Variants in FOXP2 observed in about 807,000 individuals in gnomAD.
FOXP2 encodes forkhead box protein P2.
A neutral mutation model predicts 115.8 loss-of-function variants in FOXP2; 12 were observed. That is an observed-to-expected ratio of 0.10 (90% confidence interval 0.07 to 0.17). The LOEUF (loss-of-function observed/expected upper bound fraction) is 0.17, where lower values mean the gene tolerates loss of function less well. Among genes scored for constraint, FOXP2 ranks in the 10% least tolerant of loss-of-function variants. The pLI is 1.00. For synonymous variants in FOXP2, 328 were observed against 297.7 expected (o/e 1.10, Z -1.05); for missense variants, 629 against 843.5 (o/e 0.75, Z 3.15).
intron 3 of FOXP2, among the ~76,000 whole-genome samples, chr7:114,557,393 CT>C (rs1800516934): frequency 6.6e-6 from 1 of 152,070 alleles, no homozygotes; most frequent in Non-Finnish European, 1.5e-5. Flanking sequence ...TAGATGTAGT[CT>C]GAAAATCGCA....
chr7:114,441,110 T>A (rs777183828), intron 2 of FOXP2, among the ~76,000 whole-genome samples: 86 of 152,050 alleles, frequency 5.7e-4, no homozygotes, highest in Non-Finnish European at 1.0e-3. Context: ...ACATAAGTAA[T>A]AAAACTAGTC....
chr7:114,319,003 C>T (rs1400282867), intron 2 of FOXP2, among the ~76,000 whole-genome samples: 2 of 152,072 alleles, frequency 1.3e-5, no homozygotes, highest in Non-Finnish European at 2.9e-5. Flanking sequence ...ATTTTGGGAA[C>T]CCCCAGTTAA....
chr7:114,536,913 A>T (rs1040735894), intron 3 of FOXP2, among the ~76,000 whole-genome samples: 1 of 151,490 alleles, frequency 6.6e-6, no homozygotes, highest in Admixed American at 6.6e-5. Flanking sequence ...TTAGTATTTC[A>T]TAGGACTTGA....
At chr7:114,320,070 GGTGGGATCATTCCCA>G (rs1380421262) in intron 2 of FOXP2, among the ~76,000 whole-genome samples, 2 of 150,374 alleles carry the variant, frequency 1.3e-5, no homozygotes, top group East Asian at 2.0e-4. Context: ...AGAAGAATGA[GGTGGGATCATTCCCA>G]TATATACTCA....
intron 2 of FOXP2, among the ~76,000 whole-genome samples, chr7:114,319,170 C>T (rs559397511): frequency 5.2e-4 from 48 of 91,774 alleles, no homozygotes; most frequent in Non-Finnish European, 1.0e-3. Context: ...GTTGGGGGGG[C>T]GGGTCCCTCA....
intron 1 of FOXP2, among the ~76,000 whole-genome samples, chr7:114,236,136 T>C (rs1795002788): frequency 6.6e-6 from 1 of 152,182 alleles, no homozygotes; most frequent in Non-Finnish European, 1.5e-5. Context: ...ATTTAAAAAA[T>C]GCTAAATGCC....
intron 2 of FOXP2, among the ~76,000 whole-genome samples, chr7:114,295,152 C>G (rs1312961877): frequency 6.6e-6 from 1 of 152,108 alleles, no homozygotes; most frequent in Non-Finnish European, 1.5e-5. Context: ...TGGATTTTAA[C>G]TGGCCTGCTT....
chr7:114,619,838 C>T (rs1804149223), intron 3 of FOXP2, among the ~76,000 whole-genome samples: 2 of 151,998 alleles, frequency 1.3e-5, no homozygotes, highest in African/African-American at 4.8e-5. Context: ...AATAACTTAC[C>T]ATGGCTAGAA....
At chr7:114,655,976 A>G (rs1272554368) in intron 10 of FOXP2, among the ~76,000 whole-genome samples, 1 of 152,156 alleles carries the variant, frequency 6.6e-6, no homozygotes, top group African/African-American at 2.4e-5. Flanking sequence ...CGAGGTGGCT[A>G]AGTGCTCATC....
upstream of FOXP2, among the ~76,000 whole-genome samples, chr7:114,413,875 CTG>C (rs1414539983): frequency 6.6e-6 from 1 of 152,044 alleles, no homozygotes; most frequent in Non-Finnish European, 1.5e-5. Flanking sequence ...TGTTCAGTAA[CTG>C]TTGTTTTGTC....
chr7:114,132,912 G>A (rs554691363), intron 1 of FOXP2, among the ~76,000 whole-genome samples: 2 of 152,234 alleles, frequency 1.3e-5, no homozygotes, highest in East Asian at 3.9e-4. Flanking sequence ...TTGAGTAGAT[G>A]AGTATCACAT....
intron 1 of FOXP2, among the ~76,000 whole-genome samples, chr7:114,110,593 A>G (rs1791243454): frequency 6.6e-6 from 1 of 152,096 alleles, no homozygotes; most frequent in South Asian, 2.1e-4. Context: ...TCATTGGGGT[A>G]CTTGTGGTGT....
chr7:114,509,435 A>C (rs1223448080), intron 2 of FOXP2, among the ~76,000 whole-genome samples: 1 of 152,074 alleles, frequency 6.6e-6, no homozygotes, highest in African/African-American at 2.4e-5. Context: ...AGGTATTATG[A>C]AAGTCCAGAG....
chr7:114,136,574 G>A lies in FOXP2; in HGVS notation c.-246-26370G>A, dbSNP rs114411145. 2.7e-3 allele frequency among the ~76,000 whole-genome samples: 405 copies of A among 151,854 alleles called. 2 individuals are homozygous for A. The highest frequency in any genetic ancestry group is 8.8e-3 in the African/African-American group (365 of 41,454). On this transcript the variant is annotated intron_variant, in intron 1 of 19. Transcript: ENST00000635638. ...TAAATCCTTATTGCTTTCTAAAAAT[G>A]GACTATGGTCTTTTGAGGATATAGT...
chr7:114,531,626 A>G (rs1562980369), intron 2 of FOXP2, among the ~76,000 whole-genome samples: 1 of 151,952 alleles, frequency 6.6e-6, no homozygotes, highest in South Asian at 2.1e-4. Flanking sequence ...TGTTTACTAT[A>G]GCAGTCTCTA....
At chr7:114,543,324 C>A (rs1332738669) in intron 3 of FOXP2, among the ~76,000 whole-genome samples, 1 of 151,978 alleles carries the variant, frequency 6.6e-6, no homozygotes, top group Non-Finnish European at 1.5e-5. Flanking sequence ...TTATAGTAGA[C>A]CCTCAACATT....
rs1800245202 is a variant in FOXP2 at position 114,552,252 on chromosome 7, T to G, written c.258+17546T>G. On this transcript the variant is annotated intron_variant, in intron 3 of 16. Transcript: ENST00000350908. ...AAATGACCTGCTGGTATTCCCTTCA[T>G]GCTTTATAATAAAGGTAAGAGATAA... 1.3e-5 allele frequency among the ~76,000 whole-genome samples: 2 copies of G among 152,204 alleles called. 1 individual carries two copies. The highest frequency in any genetic ancestry group is 4.1e-4 in the South Asian group (2 of 4,826).
chr7:114,511,436 G>A (rs1419726062), intron 2 of FOXP2, among the ~76,000 whole-genome samples: 1 of 152,086 alleles, frequency 6.6e-6, no homozygotes, highest in Admixed American at 6.6e-5. Context: ...AATGAAAAAA[G>A]AAAGGAATCA....
chr7:114,371,119 A>G lies in FOXP2; in HGVS notation c.-10-55383A>G, dbSNP rs369125987. Among the ~76,000 whole-genome samples, 26 of 152,234 alleles carry G rather than the reference A, an allele frequency of 1.7e-4. No individual in the cohort carries two copies. The East Asian group carries it at 4.8e-3, about 28-fold the overall frequency. The stretch of plus-strand genomic sequence containing the variant: ...TTATTTATTTATTTATTTTTTTGAG[A>G]TAAGGCCTCTTTTGGCAGTGGTACT... On this transcript the variant is annotated intron_variant, in intron 2 of 17. Coordinates refer to the FOXP2 transcript ENST00000634411.
Sources: allele counts gnomAD v4.1 joint callset (sites outside exome capture counted in the v4.1 genomes callset), GRCh38; gene constraint gnomAD v4.1.1; transcripts MANE v1.5; gene names NCBI Gene and HGNC (gene_info 2026-07-23, HGNC 2026-07-21).